UNC80: variants seen among roughly 807,000 people sequenced by gnomAD.
The protein encoded by UNC80 is protein unc-80 homolog.
UNC80 carries 164 observed loss-of-function variants against 384.6 expected under a neutral mutation model. The ratio of observed to expected loss-of-function variants is 0.43; its 90% CI spans 0.38 to 0.49. The LOEUF (loss-of-function observed/expected upper bound fraction) is 0.49, where lower values mean the gene tolerates loss of function less well. Among genes scored for constraint, UNC80 ranks in the 20% least tolerant of loss-of-function variants. UNC80 has a pLI of 0.00. For synonymous variants in UNC80, 1,486 were observed against 1,527.8 expected (o/e 0.97, Z 0.64); for missense variants, 3,330 against 4,143.0 (o/e 0.80, Z 5.39).
chr2:209,860,874 T>C (rs541834168), intron 22 of UNC80, among the ~76,000 whole-genome samples: 52 of 152,250 alleles, frequency 3.4e-4, no homozygotes, highest in African/African-American at 1.2e-3. Flanking sequence ...TAAAGGAATG[T>C]TTGTGATTTT....
intron 56 of UNC80, among the ~76,000 whole-genome samples, chr2:209,974,797 C>A (rs949085417): frequency 2.0e-5 from 3 of 152,224 alleles, no homozygotes; most frequent in African/African-American, 7.2e-5. Flanking sequence ...CTTTTATACA[C>A]TGCTATGTCT....
In UNC80 at chr2:209,943,449, A is replaced by G. The variant is rs2091751523; in HGVS notation, c.6985A>G (p.Ile2329Val). 1.3e-6 allele frequency: 2 copies of G among 1,551,956 alleles called. No individual in the cohort carries two copies. The highest frequency in any genetic ancestry group is 2.0e-5 in the Admixed American group (1 of 50,986). ...AIEFACHQFY[I>V]LHRKPFVLQL... ...CGAATTTGCCTGTCACCAGTTCTAT[A>G]TTCTACACCGGAAGCCCTTTGTGCT... Residue 2329 changes from isoleucine (I) to valine (V), a missense_variant, in exon 45 of 65, where the codon ATT becomes GTT. Ile to Val is a conservative substitution (Grantham distance 29). Transcript: ENST00000673920.
In UNC80 at chr2:209,954,184, A is replaced by C. The variant is rs1283191226; in HGVS notation, c.7371A>C (p.Val2457=). ...GGCAGACATCACAGGTGGAGACAGT[A>C]CCTGCTGCCCGAGAGGAGATTGCGG... ...LKRQTSQVET[V]PAAREEIAAT... The change falls in exon 48 of 65, where the codon GTA becomes GTC. Residue 2457 remains valine, a synonymous_variant. Transcript: ENST00000673920. 1 of 1,551,182 alleles carries C rather than the reference A, an allele frequency of 6.4e-7. No individual in the cohort carries two copies. Among genetic ancestry groups the C allele is most frequent in the South Asian group, 1.2e-5 (1 of 84,026 alleles).
chr2:209,799,485 G>A (rs1246067062), intron 7 of UNC80, among the ~76,000 whole-genome samples: 2 of 152,102 alleles, frequency 1.3e-5, no homozygotes, highest in Non-Finnish European at 2.9e-5. Flanking sequence ...AGATGATGGG[G>A]TTTTCTATAT....
intron 4 of UNC80, among the ~76,000 whole-genome samples, chr2:209,780,736 G>A (rs888010639): frequency 2.0e-5 from 3 of 152,102 alleles, no homozygotes; most frequent in Non-Finnish European, 2.9e-5. Context: ...GAGAGCCACC[G>A]CCTTACATCT....
At chr2:209,949,916 C>T (rs573171403) in intron 47 of UNC80, among the ~76,000 whole-genome samples, 58 of 152,252 alleles carry the variant, frequency 3.8e-4, no homozygotes, top group African/African-American at 1.3e-3. Flanking sequence ...CAGCCTTGAT[C>T]TCCCAGACTC....
At position 209,926,619 on chromosome 2, in the gene UNC80, T is replaced by TA. The variant is rs545126317; in HGVS notation, c.5663-217dup. Among the ~76,000 whole-genome samples, 168 of 152,016 alleles carry TA rather than the reference T, an allele frequency of 1.1e-3. 1 individual carries two copies. The highest frequency in any genetic ancestry group is 3.4e-3 in the Middle Eastern group (1 of 294). On this transcript the variant is annotated intron_variant, in intron 35 of 64. Transcript: ENST00000673920. The stretch of plus-strand genomic sequence containing the variant: ...CAGTGAGGACTCATCCTACAAAAAA[T>TA]AAAAAAATTAGTCAGATGTGGTGGC...
chr2:209,995,272 G>A, intron 64 of UNC80, 57 bp from the exon 65 acceptor site: 1 of 1,526,812 alleles, frequency 6.5e-7, no homozygotes, highest in East Asian at 2.5e-5. Context: ...ATTTTTTGAT[G>A]TTCTTCTCTG....
At chr2:209,881,940 A>G (rs1212995486) in intron 25 of UNC80, among the ~76,000 whole-genome samples, 1 of 149,878 alleles carries the variant, frequency 6.7e-6, no homozygotes, top group Non-Finnish European at 1.5e-5. Flanking sequence ...AAATTTTACA[A>G]TCCACAATCC....
intron 44 of UNC80, among the ~76,000 whole-genome samples, chr2:209,941,722 G>T (rs111545119): frequency 3.0e-4 from 46 of 152,240 alleles, no homozygotes; most frequent in Non-Finnish European, 4.9e-4. Flanking sequence ...TAGGACAGTG[G>T]TTCTTAAGTT....
chr2:209,971,176 A>G (rs1299414112), intron 54 of UNC80, among the ~76,000 whole-genome samples: 1 of 152,202 alleles, frequency 6.6e-6, no homozygotes, highest in Non-Finnish European at 1.5e-5. Context: ...AGAGTCATTT[A>G]GTCCTGCCAC....
chr2:209,954,691 A>T (rs2092334325), intron 48 of UNC80, among the ~76,000 whole-genome samples: 1 of 152,196 alleles, frequency 6.6e-6, no homozygotes, highest in Admixed American at 6.5e-5. Flanking sequence ...GTATTCTTTT[A>T]TTATTTTACT....
chr2:209,866,045 G>T (rs2083733021), intron 22 of UNC80, among the ~76,000 whole-genome samples: 1 of 149,240 alleles, frequency 6.7e-6, no homozygotes, highest in Non-Finnish European at 1.5e-5. Context: ...ATATTTTGCA[G>T]TTTTACTAAA....
intron 53 of UNC80, chr2:209,970,351 C>T (rs1446673635): frequency 5.7e-6 from 1 of 174,270 alleles, no homozygotes. Context: ...TATCTAGAGT[C>T]TGGTCCTGAC....
At chr2:209,922,216 A>G (rs1240848097) in intron 34 of UNC80, 36 bp from the exon 35 acceptor site, 1 of 1,550,514 alleles carries the variant, frequency 6.4e-7, no homozygotes, top group South Asian at 1.2e-5. Context: ...CTTTTGTTAT[A>G]AAGCCAAAGT....
chr2:209,948,079 C>T (rs1043442401), intron 47 of UNC80, among the ~76,000 whole-genome samples: 7 of 151,882 alleles, frequency 4.6e-5, no homozygotes, highest in Non-Finnish European at 1.5e-5. Flanking sequence ...TTATTTATTT[C>T]TTCTCTTGTT....
intron 12 of UNC80, 114 bp from the exon 13 acceptor site, chr2:209,820,197 T>C (rs1240029694): frequency 1.5e-6 from 2 of 1,366,420 alleles, no homozygotes; most frequent in Non-Finnish European, 1.9e-6. Context: ...AAATTATTTC[T>C]ACCCAATTTC....
At chr2:209,933,312 G>T (rs759583936) in intron 38 of UNC80, among the ~76,000 whole-genome samples, 5 of 151,910 alleles carry the variant, frequency 3.3e-5, no homozygotes, top group Non-Finnish European at 5.9e-5. Context: ...ATAATGTAAG[G>T]TTTGTCACAA....
At chr2:209,966,143 ACT>A (rs2092735541) in intron 51 of UNC80, among the ~76,000 whole-genome samples, 1 of 152,074 alleles carries the variant, frequency 6.6e-6, no homozygotes, top group Non-Finnish European at 1.5e-5. Flanking sequence ...TTCCTGCCTA[ACT>A]CAACATGTAC....
Sources: gnomAD v4.1 joint callset for allele counts (sites outside exome capture counted in the v4.1 genomes callset) on GRCh38, gnomAD v4.1.1 for gene constraint, MANE v1.5 for transcripts, NCBI Gene and HGNC (gene_info 2026-07-23, HGNC 2026-07-21) for gene names.